The following CDH12 variants were observed in gnomAD, a reference collection of about 807,000 sequenced individuals.
The protein encoded by CDH12 is cadherin-12.
A neutral mutation model predicts 74.1 loss-of-function variants in CDH12; 41 were observed. That is an observed-to-expected ratio of 0.55 (90% CI 0.43 to 0.72). The LOEUF (loss-of-function observed/expected upper bound fraction) is 0.72. Among genes scored for constraint, CDH12 ranks in the 30% least tolerant of loss-of-function variants. The pLI is 0.00. For synonymous variants in CDH12, 399 were observed against 355.0 expected, an observed-to-expected ratio of 1.12 and a Z score of -1.39; for missense variants, 945 against 977.2, an observed-to-expected ratio of 0.97 and a Z score of 0.44.
intron 1 of CDH12, among the ~76,000 whole-genome samples, chr5:22,807,244 T>C (rs1013825406): frequency 3.3e-5 from 5 of 152,200 alleles, no homozygotes; most frequent in Admixed American, 6.5e-5. Context: ...ATTATAGTCA[T>C]TATGTTGGAA....
chr5:22,308,358 A>T (rs1738218600), intron 3 of CDH12, among the ~76,000 whole-genome samples: 1 of 152,176 alleles, frequency 6.6e-6, no homozygotes, highest in African/African-American at 2.4e-5. Context: ...TTAATCTGTC[A>T]TTATCCGATT....
chr5:22,277,758 C>T (rs1025236436), intron 3 of CDH12, among the ~76,000 whole-genome samples: 4 of 152,066 alleles, frequency 2.6e-5, no homozygotes, highest in African/African-American at 7.2e-5. Flanking sequence ...TGCTTGAACC[C>T]GGGAGGTGGA....
intron 6 of CDH12, among the ~76,000 whole-genome samples, chr5:21,880,684 T>TTTCTTTCTTTCC (rs1561268943): frequency 9.7e-5 from 13 of 133,346 alleles, no homozygotes; most frequent in African/African-American, 3.6e-4. Context: ...TCTTTCTTTC[T>TTTCTTTCTTTCC]TTCTTTCTCT....
intron 1 of CDH12, among the ~76,000 whole-genome samples, chr5:22,578,858 GT>G (rs2126779194): frequency 6.6e-6 from 1 of 152,158 alleles, no homozygotes; most frequent in South Asian, 2.1e-4. Context: ...CTTCTCTTCT[GT>G]TGCTATATTT....
chr5:22,215,294 A>G (rs1751761199), intron 3 of CDH12, among the ~76,000 whole-genome samples: 1 of 152,140 alleles, frequency 6.6e-6, no homozygotes, highest in Admixed American at 6.5e-5. Context: ...ACTGATCAAA[A>G]CCCTTACTTC....
intron 3 of CDH12, among the ~76,000 whole-genome samples, chr5:22,245,570 TA>T (rs1423852791): frequency 6.6e-6 from 1 of 151,932 alleles, no homozygotes; most frequent in Non-Finnish European, 1.5e-5. Context: ...GACGAGAGTT[TA>T]AAAAAATTAA....
chr5:22,755,864 CAT>C (rs1261610449), intron 1 of CDH12, among the ~76,000 whole-genome samples: 1 of 151,792 alleles, frequency 6.6e-6, no homozygotes, highest in East Asian at 1.9e-4. Context: ...GTATCTAAAT[CAT>C]TAGGGTACAC....
chr5:21,864,271 C>T (rs1399723875), intron 6 of CDH12, among the ~76,000 whole-genome samples: 1 of 152,058 alleles, frequency 6.6e-6, no homozygotes, highest in Non-Finnish European at 1.5e-5. Context: ...TAAAGCACTA[C>T]TCCTCGATGT....
chr5:21,807,691 G>T (rs897081216), intron 9 of CDH12, among the ~76,000 whole-genome samples: 11 of 152,070 alleles, frequency 7.2e-5, no homozygotes, highest in African/African-American at 2.7e-4. Context: ...TTGAAAAAAT[G>T]ATAGCTTCAG....
chr5:22,372,999 C>T (rs1218228546), intron 3 of CDH12, among the ~76,000 whole-genome samples: 1 of 152,108 alleles, frequency 6.6e-6, no homozygotes, highest in Non-Finnish European at 1.5e-5. Flanking sequence ...GAGGCAGATC[C>T]CTAGGGCAGC....
intron 2 of CDH12, among the ~76,000 whole-genome samples, chr5:22,490,111 T>C (rs1746798066): frequency 6.6e-6 from 1 of 152,184 alleles, no homozygotes. Context: ...TCTTAATAGC[T>C]AGAGCAATAG....
chr5:21,752,198 T>C lies in CDH12; in HGVS notation c.1924A>G (p.Lys642Glu). The change falls in exon 15 of 15, where the codon AAA becomes GAA. Residue 642 changes from lysine to glutamate, a missense_variant. Lys to Glu is a moderately conservative substitution (Grantham distance 56). Transcript: ENST00000382254. Reference sequence around the variant, plus strand: ...TTAGAGGTCATCAGGGTGTCTTTTTTCTTCTGCCTTCGCAGTGCTACATAC... The same window carrying C: ...TTAGAGGTCATCAGGGTGTCTTTTTCCTTCTGCCTTCGCAGTGCTACATAC... Reference protein sequence around the residue: ...VLYVALRRQKKKDTLMTSKED... With the variant: ...VLYVALRRQKEKDTLMTSKED... 6.2e-7 allele frequency: 1 copy of C among 1,613,878 alleles called. No individual in the cohort carries two copies. Among genetic ancestry groups the C allele is most frequent in the Non-Finnish European group, 8.5e-7 (1 of 1,179,926 alleles).
chr5:22,611,160 T>C (rs938472688), intron 1 of CDH12, among the ~76,000 whole-genome samples: 3 of 152,188 alleles, frequency 2.0e-5, no homozygotes, highest in African/African-American at 7.2e-5. Context: ...CAGACACATA[T>C]TTATTTCTTC....
At chr5:22,705,925 G>A (rs1217029544) in intron 1 of CDH12, among the ~76,000 whole-genome samples, 1 of 151,852 alleles carries the variant, frequency 6.6e-6, no homozygotes, top group Non-Finnish European at 1.5e-5. Flanking sequence ...TAAGGTGAAT[G>A]GAAAGATGTT....
chr5:22,149,466 C>A (rs1747426696), intron 4 of CDH12, among the ~76,000 whole-genome samples: 1 of 152,112 alleles, frequency 6.6e-6, no homozygotes, highest in Non-Finnish European at 1.5e-5. Context: ...CAATCTCAAG[C>A]CATCCTTAGC....
intron 3 of CDH12, among the ~76,000 whole-genome samples, chr5:22,264,132 G>T (rs1241658270): frequency 6.6e-6 from 1 of 151,068 alleles, no homozygotes; most frequent in East Asian, 1.9e-4. Context: ...TTATTTCCTT[G>T]GGATTGGTGC....
intron 5 of CDH12, among the ~76,000 whole-genome samples, chr5:22,029,244 A>G (rs1181266171): frequency 6.6e-6 from 1 of 152,126 alleles, no homozygotes; most frequent in Non-Finnish European, 1.5e-5. Context: ...ATGGCAACAA[A>G]AGACAAAATT....
chr5:22,446,027 ACACT>A (rs1367016637), intron 2 of CDH12, among the ~76,000 whole-genome samples: 1 of 152,072 alleles, frequency 6.6e-6, no homozygotes, highest in Non-Finnish European at 1.5e-5. Flanking sequence ...TCCCTGAAAA[ACACT>A]CACTCACTCT....
chr5:22,514,076 T>A (rs902857210), intron 1 of CDH12, among the ~76,000 whole-genome samples: 1 of 151,716 alleles, frequency 6.6e-6, no homozygotes, highest in Non-Finnish European at 1.5e-5. Context: ...AGCAATATTA[T>A]TACTAATTAG....
Sources: allele counts gnomAD v4.1 joint callset (sites outside exome capture counted in the v4.1 genomes callset), GRCh38; gene constraint gnomAD v4.1.1; transcripts MANE v1.5; gene names NCBI Gene and HGNC (gene_info 2026-07-23, HGNC 2026-07-21).